MYH14: variants seen among roughly 807,000 people sequenced by gnomAD.
The protein encoded by MYH14 is myosin-14.
In MYH14, 123 loss-of-function variants were observed where a neutral mutation model predicts 255.5. That is an observed-to-expected ratio of 0.48 (90% CI 0.42 to 0.56). MYH14 has a LOEUF of 0.56. MYH14 is among the 20% of genes least tolerant of loss of function. MYH14 has a pLI of 0.00. For synonymous variants in MYH14, 1,095 were observed against 1,161.2 expected (o/e 0.94, Z 1.16); for missense variants, 2,423 against 2,802.3 (o/e 0.86, Z 3.06).
intron 39 of MYH14, among the ~76,000 whole-genome samples, chr19:50,299,168 AGAG>A (rs2036387985): frequency 6.6e-6 from 1 of 152,242 alleles, no homozygotes; most frequent in Non-Finnish European, 1.5e-5. Context: ...CAGGAAACAC[AGAG>A]GAGAGACAAA....
At chr19:50,255,352 GCTGGA>G (rs2034555942) in intron 17 of MYH14, 34 bp downstream of exon 17, 2 of 1,502,342 alleles carry the variant, frequency 1.3e-6, no homozygotes, top group Non-Finnish European at 9.1e-7. Flanking sequence ...GGTGAGGCTT[GCTGGA>G]GGAGGAGGGT....
At chr19:50,223,179 G>A (rs890917803) in intron 4 of MYH14, 68 bp from the exon 5 acceptor site, 8 of 1,605,114 alleles carry the variant, frequency 5.0e-6, no homozygotes, top group Non-Finnish European at 6.8e-6. Context: ...TTTGGAATGG[G>A]CAGGGCAGGT....
At chr19:50,281,973 C>T (rs2035741494) in intron 33 of MYH14, 131 bp downstream of exon 33, 3 of 944,050 alleles carry the variant, frequency 3.2e-6, no homozygotes, top group Non-Finnish European at 4.7e-6. Flanking sequence ...GGAAGCAAGA[C>T]CCTTCTTTGC....
chr19:50,274,810 A>G (rs1188241321), intron 27 of MYH14, among the ~76,000 whole-genome samples: 1 of 152,004 alleles, frequency 6.6e-6, no homozygotes, highest in Non-Finnish European at 1.5e-5. Context: ...ATGTGCCTGT[A>G]GTCTCAGCTA....
rs770353210 is a variant in MYH14, at chr19:50,257,368, G to A, written c.2114G>A (p.Arg705Gln). 28 of 1,608,532 alleles carry A rather than the reference G, an allele frequency of 1.7e-5. No homozygotes were observed. The highest frequency in any genetic ancestry group is 1.2e-4 in the African/African-American group (9 of 74,850). ...GDGPPGGRPRRGMFRTVGQLY... is the reference protein window; with the variant it reads ...GDGPPGGRPRQGMFRTVGQLY... ...GGCCCACCAGGTGGCCGCCCCCGTC[G>A]GGGTATGTTCCGGACAGTGGGACAG... The change falls in exon 18 of 43, where the codon CGG becomes CAG. Residue 705 changes from arginine (R) to glutamine (Q), a missense_variant. By Grantham distance (43) the Arg-to-Gln change is conservative (BLOSUM62 1). This residue lies in a region of MYH14 where 672 missense variants were observed against 881.8 expected (regional missense o/e 0.76). Transcript: ENST00000642316.
intron 21 of MYH14, among the ~76,000 whole-genome samples, chr19:50,262,673 T>A (rs991432185): frequency 1.3e-5 from 2 of 150,134 alleles, no homozygotes; most frequent in Admixed American, 6.6e-5. Context: ...CAGCTCTGGG[T>A]GTAGAAAGAC....
At chr19:50,282,915 T>G (rs1162153050) in intron 33 of MYH14, among the ~76,000 whole-genome samples, 1 of 152,094 alleles carries the variant, frequency 6.6e-6, no homozygotes, top group Non-Finnish European at 1.5e-5. Context: ...TTTGATCAAA[T>G]GTGGAACATT....
At chr19:50,243,765 TG>T (rs2033983955) in intron 10 of MYH14, among the ~76,000 whole-genome samples, 2 of 152,370 alleles carry the variant, frequency 1.3e-5, no homozygotes, top group African/African-American at 4.8e-5. Context: ...TCACTCATTG[TG>T]GTAGAAGTCT....
At chr19:50,255,462 C>A in intron 17 of MYH14, 144 bp downstream of exon 17, 1 of 664,320 alleles carries the variant, frequency 1.5e-6, no homozygotes, top group East Asian at 2.8e-5. Context: ...TTGTTGGCTC[C>A]CTTGGAAGTT....
In MYH14 at chr19:50,248,987, G is replaced by A; in HGVS notation, c.1330G>A (p.Ala444Thr). The A allele has an allele frequency of 6.2e-7, 1 of 1,613,324 alleles. No homozygotes were observed. The highest frequency in any genetic ancestry group is 8.5e-7 in the Non-Finnish European group (1 of 1,179,780). The part of the protein sequence containing the change: ...YVQKAQTKEQ[A>T]DFALEALAKA... The stretch of plus-strand genomic sequence containing the variant: ...CCTTACCATGAGCCCTGTCCCACAG[G>A]CTGACTTCGCGCTGGAGGCCCTGGC... The change falls in exon 13 of 43, where the codon GCT becomes ACT. Residue 444 changes from alanine to threonine, a missense_variant and splice_region_variant. Physicochemically the swap from Ala to Thr is moderately conservative, Grantham distance 58. Transcript: ENST00000642316.
rs756864059 is a variant in MYH14 at position 50,272,616 on chromosome 19, C to T, written c.3352C>T (p.Leu1118=). The T allele has an allele frequency of 6.3e-7, 1 of 1,580,206 alleles. No homozygotes were observed. Residue 1118 remains leucine, a synonymous_variant, in exon 27 of 43, where the codon CTG becomes TTG. Coordinates refer to ENST00000642316, the MANE Select transcript of MYH14 (RefSeq NM_001145809.2). The part of the protein sequence containing the change: ...RQELEKLKRR[L]DGESSELQEQ... ...GGAGCTGGAGAAGCTGAAGCGGAGG[C>T]TGGATGGGGAGAGCTCAGAGCTGCA...
chr19:50,264,358 T>C (rs2035006114), intron 22 of MYH14, among the ~76,000 whole-genome samples: 1 of 152,146 alleles, frequency 6.6e-6, no homozygotes, highest in Non-Finnish European at 1.5e-5. Context: ...ACTGATGCCA[T>C]GTGGCCCAGG....
chr19:50,301,849 G>A lies in MYH14; in HGVS notation c.5658G>A (p.Glu1886=), dbSNP rs1375882636. The A allele has an allele frequency of 6.2e-7, 1 of 1,612,694 alleles. No homozygotes were observed. Among genetic ancestry groups the A allele is most frequent in the South Asian group, 1.1e-5 (1 of 90,870 alleles). Residue 1886 remains glutamate, a synonymous_variant, in exon 40 of 43, where the codon GAG becomes GAA. Coordinates refer to ENST00000642316, the MANE Select transcript of MYH14 (RefSeq NM_001145809.2). ...AGTCTAAGTTGGCCCAGGCTGAGGA[G>A]CAGCTAGAGCAAGAGACCAGGTAGG... ...ALESKLAQAE[E]QLEQETRERI...
intron 39 of MYH14, among the ~76,000 whole-genome samples, chr19:50,297,274 G>A (rs952627615): frequency 6.6e-6 from 1 of 151,698 alleles, no homozygotes; most frequent in African/African-American, 2.4e-5. Flanking sequence ...GTGAGCCACC[G>A]CGCCCGGCCA....
At chr19:50,287,660 A>G (rs1601029720) in intron 34 of MYH14, among the ~76,000 whole-genome samples, 1 of 151,898 alleles carries the variant, frequency 6.6e-6, no homozygotes, top group Non-Finnish European at 1.5e-5. Flanking sequence ...CAATCCTCCC[A>G]CTTCAGCCTC....
rs780560401 is a variant in MYH14 at position 50,210,569 on chromosome 19, G to A, written c.204G>A (p.Ala68=). 9 of 1,579,430 alleles carry A rather than the reference G, an allele frequency of 5.7e-6. No individual in the cohort carries two copies. The highest frequency in any genetic ancestry group is 1.2e-5 in the South Asian group (1 of 86,772). Residue 68 remains alanine, a synonymous_variant, in exon 2 of 43, where the codon GCG becomes GCA. Coordinates refer to ENST00000642316, the MANE Select transcript of MYH14 (RefSeq NM_001145809.2). ...VPSELHGFEA[A]ALRDEGEEEA... is the part of the protein sequence containing the mutation. ...CGGAGCTTCACGGGTTCGAGGCGGC[G>A]GCGCTGCGGGACGAAGGCGAGGAGG... is the stretch of plus-strand genomic sequence containing the variant.
chr19:50,293,229 A>C lies in MYH14; in HGVS notation c.5257-4A>C. Reference sequence around the variant, plus strand: ...ACCCACCGGCCACCCCTCCATCATCACAGGAACTGGCCGCCTCGGACCGTG... The same window carrying C: ...ACCCACCGGCCACCCCTCCATCATCCCAGGAACTGGCCGCCTCGGACCGTG... On this transcript the variant is annotated splice_region_variant and splice_polypyrimidine_tract_variant and intron_variant, in intron 37 of 42. Transcript: ENST00000642316. This position sits in a 1 kb window ranked among gnomAD's most constrained non-coding sequence, Gnocchi z 4.1. 1 of 1,600,042 alleles carries C rather than the reference A, an allele frequency of 6.2e-7. No homozygotes were observed. The highest frequency in any genetic ancestry group is 8.5e-7 in the Non-Finnish European group (1 of 1,173,642).
chr19:50,214,182 C>T lies in MYH14; in HGVS notation c.405+3412C>T, dbSNP rs759239436. Among the ~76,000 whole-genome samples, 7 of 152,170 alleles carry T rather than the reference C, an allele frequency of 4.6e-5. 1 individual carries two copies. The highest frequency in any genetic ancestry group is 1.2e-4 in the African/African-American group (5 of 41,444). ...CATGAACTTGTGGATGACTCCCAGG[C>T]ACCTTATGTAGGAAGCACTATTTCT... On this transcript the variant is annotated intron_variant, in intron 2 of 42. Coordinates refer to ENST00000642316, the MANE Select transcript of MYH14 (RefSeq NM_001145809.2).
At position 50,261,762 on chromosome 19, in the gene MYH14, T is replaced by C. The variant is rs58039297; in HGVS notation, c.2585+127T>C. The C allele has an allele frequency of 0.75, 606,469 of 808,576 alleles. 228,934 individuals are homozygous for C. The highest frequency in any genetic ancestry group is 0.87 in the East Asian group (26,590 of 30,436). 50.1% of individuals were successfully genotyped at this position (808,576 alleles called of 1,614,324 possible). On this transcript the variant is annotated intron_variant, in intron 21 of 42. Transcript: ENST00000642316. ...GGGCTGAGGAGCAGGTGGATGGAGGTGCCGGGTGTCCAGGCTTCTTGGTTC... is the reference window on the plus strand; with the variant it reads ...GGGCTGAGGAGCAGGTGGATGGAGGCGCCGGGTGTCCAGGCTTCTTGGTTC...
Sources: allele counts gnomAD v4.1 joint callset (sites outside exome capture counted in the v4.1 genomes callset), GRCh38; gene constraint gnomAD v4.1.1; regional missense constraint gnomAD v4.1.1; non-coding constraint Gnocchi (gnomAD v3.1); transcripts MANE v1.5; gene names NCBI Gene and HGNC (gene_info 2026-07-23, HGNC 2026-07-21).